ADAM8: variants seen among roughly 807,000 people sequenced by gnomAD.
The protein encoded by ADAM8 is disintegrin and metalloproteinase domain-containing protein 8.
ADAM8 carries 104 observed loss-of-function variants against 102.4 expected under a neutral mutation model. The ratio of observed to expected loss-of-function variants is 1.02; its 90% confidence interval spans 0.87 to 1.20. The LOEUF (loss-of-function observed/expected upper bound fraction) is 1.20. Among genes scored for constraint, ADAM8 ranks in the 50% most tolerant of loss-of-function variants. The probability of loss-of-function intolerance (pLI) is 0.00; values close to 1 mark genes in which losing one functional copy is unlikely to be tolerated. For missense variants in ADAM8, 1,132 were observed against 1,159.0 expected (o/e 0.98, Z 0.34); for synonymous variants, 517 against 485.2 (o/e 1.07, Z -0.86).
At chr10:133,271,995 T>G (rs1336486661) in intron 10 of ADAM8, 41 bp from the exon 11 acceptor site, 1 of 1,593,888 alleles carries the variant, frequency 6.3e-7, no homozygotes, top group Non-Finnish European at 8.6e-7. Flanking sequence ...TGTGGCCAAC[T>G]CCCCACGCCT....
At position 133,273,956 on chromosome 10, in the gene ADAM8, C is replaced by T. The variant is rs11101675; in HGVS notation, c.301G>A (p.Gly101Arg). Residue 101 changes from glycine (G) to arginine (R), a missense_variant, in exon 4 of 23, where the codon GGG (glycine) becomes AGG (arginine). Transcript: ENST00000445355. Reference protein sequence around the residue: ...NGSEVTEQPRGQDHCFYQGHV... With the variant: ...NGSEVTEQPRRQDHCFYQGHV... ...CTGCTCCGCCCGACCCATACCTGCCCGCGAGGCTGCTCCGTCACCTCGGAG... is the reference window on the plus strand; with the variant it reads ...CTGCTCCGCCCGACCCATACCTGCCTGCGAGGCTGCTCCGTCACCTCGGAG... 22,427 of 1,600,108 alleles carry T rather than the reference C, an allele frequency of 0.014. 198 individuals carry two copies. The highest frequency in any genetic ancestry group is 0.017 in the Non-Finnish European group (19,480 of 1,176,128).
Position 133,270,354 on chromosome 10 carries a change from G to T in ADAM8, c.1785+6C>A. 3.2e-6 allele frequency: 5 copies of T among 1,579,436 alleles called. No individual in the cohort carries two copies. Among genetic ancestry groups the T allele is most frequent in the Non-Finnish European group, 3.5e-6 (4 of 1,155,540 alleles). ...GGGTGGCGCGGCCTCTGAGCCAGGG[G>T]CTCACCTTCTCTGGTCCACACCGGG... On this transcript the variant is annotated splice_donor_region_variant and intron_variant, in intron 16 of 22. Coordinates refer to ENST00000445355, the MANE Select transcript of ADAM8 (RefSeq NM_001109.5).
chr10:133,273,155 A>T, intron 6 of ADAM8, 99 bp downstream of exon 6: 1 of 1,580,984 alleles, frequency 6.3e-7, no homozygotes. Flanking sequence ...GGCTGCAGAC[A>T]ATGGGCAGCA....
chr10:133,263,876 C>A, intron 21 of ADAM8, 111 bp from the exon 22 acceptor site: 1 of 980,524 alleles, frequency 1.0e-6, no homozygotes. Flanking sequence ...CTCGCTCTGC[C>A]CCCCAGGGAG....
At chr10:133,268,910 G>C (rs751810275) in intron 18 of ADAM8, 48 bp from the exon 19 acceptor site, 4 of 1,580,076 alleles carry the variant, frequency 2.5e-6, no homozygotes, top group Non-Finnish European at 3.4e-6. Context: ...GCGACCTCAG[G>C]CAGGAGCCAG....
At position 133,271,789 on chromosome 10, in the gene ADAM8, G is replaced by A; in HGVS notation, c.1106+17C>T. 1 of 1,608,966 alleles carries A rather than the reference G, an allele frequency of 6.2e-7. No homozygotes were observed. Among genetic ancestry groups the A allele is most frequent in the Non-Finnish European group, 8.5e-7 (1 of 1,177,454 alleles). ...ACCTCCAGCATACCCTGGCTCTGCA[G>A]GGCCTGGCCGCCTCACCCAATGCTG... is the stretch of plus-strand genomic sequence containing the variant. On this transcript the variant is annotated intron_variant, in intron 11 of 22. Coordinates refer to ENST00000445355, the MANE Select transcript of ADAM8 (RefSeq NM_001109.5).
rs553189513 is a variant in ADAM8, at chr10:133,273,747, G to C, written c.383+15C>G. 3.9e-6 allele frequency: 6 copies of C among 1,545,504 alleles called. No individual in the cohort carries two copies. The highest frequency in any genetic ancestry group is 4.9e-5 in the East Asian group (2 of 40,880). On this transcript the variant is annotated intron_variant, in intron 5 of 22. Transcript: ENST00000445355. ...TCCACCTGCGGGAGCCCTGGCGTTC[G>C]TCCGCCACACCCACCTGAGGCCGGC... is the stretch of plus-strand genomic sequence containing the variant.
At position 133,271,242 on chromosome 10, in the gene ADAM8, C is replaced by T; in HGVS notation, c.1332G>A (p.Glu444=). The change falls in exon 13 of 23, where the codon GAG becomes GAA. Residue 444 remains glutamate, a synonymous_variant. Transcript: ENST00000445355. ...CCNSTTCQLA[E]GAQCAHGTCC... is the part of the protein sequence containing the mutation. ...AGGTACCGTGCGCACACTGGGCCCC[C>T]TCAGCCAGCTGGCAGGTGGTAGAGT... 3 of 1,611,674 alleles carry T rather than the reference C, an allele frequency of 1.9e-6. No homozygotes were observed. The highest frequency in any genetic ancestry group is 2.5e-6 in the Non-Finnish European group (3 of 1,179,774).
In ADAM8 at chr10:133,268,012, G is replaced by T. The variant is rs746291367; in HGVS notation, c.2170C>A (p.Gln724Lys). The T allele has an allele frequency of 4.8e-6, 6 of 1,260,582 alleles. No homozygotes were observed. The African/African-American group carries it at 9.2e-5, about 19-fold the overall frequency. The allele number at this position is 1,260,582 out of a possible 1,614,324, so 78.1% of individuals were successfully genotyped here. Reference sequence around the variant, plus strand: ...GGGTGGGTGGTGGGGACCAGCTCTTGGGGGCCCCTGGATGGGGCTGGAGCC... The same window carrying T: ...GGGTGGGTGGTGGGGACCAGCTCTTTGGGGCCCCTGGATGGGGCTGGAGCC... The part of the protein sequence containing the change: ...GGAPAPSRGP[Q>K]ELVPTTHPGQ... The change falls in exon 20 of 23, where the codon CAA becomes AAA. Residue 724 changes from glutamine to lysine, a missense_variant. Gln to Lys is a moderately conservative substitution (Grantham distance 53, BLOSUM62 1). Transcript: ENST00000445355.
intron 11 of ADAM8, 23 bp from the exon 12 acceptor site, chr10:133,271,728 G>T (rs991302391): frequency 2.6e-6 from 4 of 1,567,110 alleles, no homozygotes; most frequent in Non-Finnish European, 2.6e-6. Flanking sequence ...GGCAGCATTG[G>T]GGGAGGCGGC....
Position 133,271,660 on chromosome 10 carries a change from C to T in ADAM8, c.1152G>A (p.Leu384=). The T allele has an allele frequency of 6.4e-7, 1 of 1,562,786 alleles. No homozygotes were observed. The highest frequency in any genetic ancestry group is 2.4e-5 in the East Asian group (1 of 41,850). ...RMFSDCSQAY[L]ESFLERPQSV... is the part of the protein sequence containing the mutation. ...ACTGCGGCCGCTCCAAAAAGCTCTC[C>T]AGGTAGGCCTGGCTGCAGTCACTGA... Residue 384 remains leucine, a synonymous_variant, in exon 12 of 23, where the codon CTG becomes CTA. Transcript: ENST00000445355.
In ADAM8 at chr10:133,267,463, G is replaced by A. The variant is rs779813556; in HGVS notation, c.2254-46C>T. 25 of 1,549,184 alleles carry A rather than the reference G, an allele frequency of 1.6e-5. 1 individual carries two copies. The highest frequency in any genetic ancestry group is 6.9e-5 in the East Asian group (3 of 43,608). ...AGCCTGGGTCAGAGCTGGGACCCCCGTGCCCCTCCAGCACCCCCAGCTCCA... is the reference window on the plus strand; with the variant it reads ...AGCCTGGGTCAGAGCTGGGACCCCCATGCCCCTCCAGCACCCCCAGCTCCA... On this transcript the variant is annotated intron_variant, in intron 20 of 22. Coordinates refer to ENST00000445355, the MANE Select transcript of ADAM8 (RefSeq NM_001109.5).
chr10:133,272,372 C>T (rs1846562863), intron 9 of ADAM8, 44 bp downstream of exon 9: 1 of 1,212,442 alleles, frequency 8.2e-7, no homozygotes, highest in African/African-American at 1.5e-5. Flanking sequence ...CCTGCCCGCC[C>T]TCCCTCCCCA....
chr10:133,273,500 C>T lies in ADAM8; in HGVS notation c.384-57G>A, dbSNP rs373297674. ...GCTTCAGAGTGGCCTGGTCCTGCCC[C>T]GAAGGACCAGAGGCTCCAGTTTGTT... On this transcript the variant is annotated intron_variant, in intron 5 of 22. Coordinates refer to ENST00000445355, the MANE Select transcript of ADAM8 (RefSeq NM_001109.5). The T allele has an allele frequency of 8.4e-5, 124 of 1,472,298 alleles. No homozygotes were observed. In the East Asian group the frequency reaches 1.9e-3, roughly 22 times the overall value. The allele number at this position is 1,472,298 out of a possible 1,614,324, so 91.2% of individuals were successfully genotyped here. A position where few individuals can be genotyped will look rare whatever the true frequency, so the allele number is the denominator to read the frequency against.
chr10:133,274,087 AG>A (rs1163929359), intron 3 of ADAM8, 58 bp from the exon 4 acceptor site: 33 of 1,588,856 alleles, frequency 2.1e-5, no homozygotes, highest in African/African-American at 5.4e-5. Flanking sequence ...GCTGGCCCAG[AG>A]GCTGGACGCC....
chr10:133,272,664 C>T (rs1314094126), intron 8 of ADAM8, 79 bp from the exon 9 acceptor site: 4 of 1,545,976 alleles, frequency 2.6e-6, no homozygotes, highest in Non-Finnish European at 3.5e-6. Context: ...GGAGGATGCA[C>T]CTGTCCCACG....
chr10:133,276,637 T>C, intron 1 of ADAM8, 135 bp downstream of exon 1: 2 of 1,320,148 alleles, frequency 1.5e-6, no homozygotes, highest in East Asian at 3.0e-5. Context: ...GATGGCCCGC[T>C]CCCAGGGACC....
chr10:133,270,997 T>C lies in ADAM8; in HGVS notation c.1448A>G (p.His483Arg), dbSNP rs1244398763. The change falls in exon 14 of 23, where the codon CAC becomes CGC. Residue 483 changes from histidine to arginine, a missense_variant. Transcript: ENST00000445355. ...CDLEEFCDGRHPECPEDAFQE... is the reference protein window; with the variant it reads ...CDLEEFCDGRRPECPEDAFQE... ...GAAGGCGTCTTCCGGGCACTCAGGG[T>C]GCCGGCCGTCACAGAACTCCTCGAG... 2.5e-6 allele frequency: 4 copies of C among 1,612,822 alleles called. No individual in the cohort carries two copies. Among genetic ancestry groups the C allele is most frequent in the South Asian group, 1.1e-5 (1 of 91,090 alleles).
chr10:133,274,874 G>A (rs1846690858), intron 2 of ADAM8: 1 of 436,854 alleles, frequency 2.3e-6, no homozygotes, highest in Non-Finnish European at 4.6e-6. Context: ...GGCCTGCAGA[G>A]CTCTGGGACA....
Sources: allele counts gnomAD v4.1 joint callset, GRCh38; gene constraint gnomAD v4.1.1; transcripts MANE v1.5; gene names NCBI Gene and HGNC (gene_info 2026-07-23, HGNC 2026-07-21).